The following CUBN variants were observed in gnomAD, a reference collection of about 807,000 sequenced individuals.
CUBN encodes the protein 460 kDa receptor.
A neutral mutation model predicts 405.3 loss-of-function variants in CUBN; 282 were observed. The ratio of observed to expected loss-of-function variants is 0.70; its 90% CI spans 0.63 to 0.77. The LOEUF is 0.77. Ranked by LOEUF, CUBN falls within the 30% of genes least tolerant of loss-of-function variation. The probability of loss-of-function intolerance (pLI) is 0.00; values close to 1 mark genes in which losing one functional copy is unlikely to be tolerated. For synonymous variants in CUBN, 1,684 were observed against 1,617.0 expected, an observed-to-expected ratio of 1.04 and a Z score of -0.99; for missense variants, 4,514 against 4,475.2, an observed-to-expected ratio of 1.01 and a Z score of -0.25.
chr10:16,916,876 G>A (rs1278973701), intron 45 of CUBN, among the ~76,000 whole-genome samples: 13 of 149,040 alleles, frequency 8.7e-5, no homozygotes, highest in Admixed American at 8.1e-4. Context: ...GTGCAGTGGC[G>A]CAATCTCGGC....
In CUBN at chr10:17,068,869, C is replaced by T. The variant is rs1835673755; in HGVS notation, c.2626-99G>A. 9.9e-5 allele frequency: 99 copies of T among 995,280 alleles called. 1 individual carries two copies. The South Asian group carries it at 1.3e-3, about 14-fold the overall frequency. 61.7% of individuals were successfully genotyped at this position (995,280 alleles called of 1,614,324 possible). ...GAAATGTTTTTAATGGAGTACAAAT[C>T]AATTTGAGAATACAATCAATTTTAG... On this transcript the variant is annotated intron_variant, in intron 19 of 66. Transcript: ENST00000377833.
chr10:16,838,241 C>T (rs1839233358), intron 62 of CUBN, among the ~76,000 whole-genome samples: 1 of 152,138 alleles, frequency 6.6e-6, no homozygotes, highest in Non-Finnish European at 1.5e-5. Context: ...TTTCTTTCCC[C>T]AGCAAGACCA....
chr10:17,077,541 A>C (rs1163719879), intron 17 of CUBN, among the ~76,000 whole-genome samples: 2 of 152,218 alleles, frequency 1.3e-5, no homozygotes, highest in African/African-American at 4.8e-5. Flanking sequence ...TAAAATAATA[A>C]GCATTAAATT....
chr10:16,826,459 A>G (rs1159006508), intron 66 of CUBN, among the ~76,000 whole-genome samples: 9 of 152,198 alleles, frequency 5.9e-5, no homozygotes, highest in Admixed American at 5.9e-4. Flanking sequence ...AAAAAGTTGT[A>G]TGTAAATATT....
At chr10:17,075,747 C>A (rs189074213) in intron 17 of CUBN, among the ~76,000 whole-genome samples, 36 of 152,286 alleles carry the variant, frequency 2.4e-4, no homozygotes, top group African/African-American at 8.7e-4. Flanking sequence ...TGAGCTCTTA[C>A]AACATCTGTA....
In CUBN at chr10:16,990,442, G is replaced by A. The variant is rs138052938; in HGVS notation, c.4242C>T (p.Asn1414=). 2 of 1,613,990 alleles carry A rather than the reference G, an allele frequency of 1.2e-6. No homozygotes were observed. The highest frequency in any genetic ancestry group is 8.5e-7 in the Non-Finnish European group (1 of 1,180,010). ...SPGFPNRYPP[N]KECIWYIRTD... is the part of the protein sequence containing the mutation. ...TCCTAATGTACCAGATACACTCCTT[G>A]TTTGGTGGATACCTGTTGGGGAACC... Residue 1414 remains asparagine, a synonymous_variant, in exon 29 of 67, where the codon AAC becomes AAT. Coordinates refer to ENST00000377833, the MANE Select transcript of CUBN (RefSeq NM_001081.4).
At chr10:16,977,720 C>T (rs1256028564) in intron 31 of CUBN, among the ~76,000 whole-genome samples, 1 of 152,206 alleles carries the variant, frequency 6.6e-6, no homozygotes. Flanking sequence ...GTAGCATGCC[C>T]ACTAGGGCTC....
intron 27 of CUBN, among the ~76,000 whole-genome samples, chr10:17,032,503 C>T (rs918778604): frequency 7.9e-5 from 12 of 152,104 alleles, no homozygotes; most frequent in East Asian, 7.7e-4. Context: ...TCCCTGTTCT[C>T]CTGTGAGCAT....
At chr10:16,893,002 G>A (rs1171831432) in intron 54 of CUBN, among the ~76,000 whole-genome samples, 1 of 152,090 alleles carries the variant, frequency 6.6e-6, no homozygotes, top group African/African-American at 2.4e-5. Flanking sequence ...GATGACAATG[G>A]TAAAGAGTTA....
chr10:16,958,806 T>C (rs1298822935), intron 31 of CUBN, among the ~76,000 whole-genome samples: 1 of 152,188 alleles, frequency 6.6e-6, no homozygotes, highest in Non-Finnish European at 1.5e-5. Flanking sequence ...AAAATGCTCA[T>C]GACACACCTC....
chr10:17,022,062 T>G (rs943065485), intron 27 of CUBN, among the ~76,000 whole-genome samples: 7 of 152,316 alleles, frequency 4.6e-5, no homozygotes, highest in African/African-American at 1.4e-4. Flanking sequence ...TACAGTTAGA[T>G]AGGTAGTAGT....
intron 43 of CUBN, among the ~76,000 whole-genome samples, chr10:16,921,088 T>C (rs987584159): frequency 1.3e-5 from 2 of 152,224 alleles, no homozygotes; most frequent in Admixed American, 6.5e-5. Flanking sequence ...CCCCTGCAAA[T>C]ATATGTTCTC....
intron 59 of CUBN, among the ~76,000 whole-genome samples, chr10:16,854,800 G>A (rs1331295789): frequency 6.6e-6 from 1 of 152,060 alleles, no homozygotes; most frequent in African/African-American, 2.4e-5. Context: ...TATGACTAAT[G>A]CCATAAAGCA....
At chr10:17,087,619 G>T (rs1210964843) in intron 15 of CUBN, among the ~76,000 whole-genome samples, 1 of 151,494 alleles carries the variant, frequency 6.6e-6, no homozygotes, top group African/African-American at 2.4e-5. Flanking sequence ...GGGGTTACAG[G>T]CACCCGCCAC....
chr10:17,121,727 T>C (rs959097144), intron 6 of CUBN, among the ~76,000 whole-genome samples: 11 of 152,060 alleles, frequency 7.2e-5, no homozygotes, highest in Admixed American at 6.5e-4. Flanking sequence ...ATAGTGATGG[T>C]TTAAAAAACA....
chr10:16,950,255 G>A (rs896467122), intron 33 of CUBN, 144 bp from the exon 34 acceptor site: 22 of 659,870 alleles, frequency 3.3e-5, no homozygotes, highest in Admixed American at 8.9e-5. Flanking sequence ...GCACAACAGG[G>A]TAATTGTAGT....
intron 27 of CUBN, among the ~76,000 whole-genome samples, chr10:17,028,866 A>G (rs1834730661): frequency 1.3e-5 from 2 of 152,254 alleles, no homozygotes; most frequent in Non-Finnish European, 2.9e-5. Flanking sequence ...TAGAAAGTCA[A>G]TATAGTTAAC....
intron 1 of CUBN, 134 bp from the exon 2 acceptor site, chr10:17,129,384 C>A: frequency 9.4e-7 from 1 of 1,059,782 alleles, no homozygotes; most frequent in Admixed American, 2.1e-5. Flanking sequence ...CCAACTGCCC[C>A]TGCTCATCTG....
chr10:16,866,967 C>A (rs1464444051), intron 59 of CUBN, among the ~76,000 whole-genome samples: 1 of 152,200 alleles, frequency 6.6e-6, no homozygotes. Context: ...GCGAATTGAA[C>A]CTAATAGTCA....
Sources: gnomAD v4.1 joint callset for allele counts (sites outside exome capture counted in the v4.1 genomes callset) on GRCh38, gnomAD v4.1.1 for gene constraint, MANE v1.5 for transcripts, NCBI Gene and HGNC (gene_info 2026-07-23, HGNC 2026-07-21) for gene names.